QTMAN: variants seen among roughly 807,000 people sequenced by gnomAD.
QTMAN encodes the protein tRNA-queuosine alpha-mannosyltransferase.
At chr2:144,107,536 C>T in the QTMAN span, among the ~76,000 whole-genome samples, 5 of 151,976 alleles carry the variant, frequency 3.3e-5, no homozygotes, top group Admixed American at 1.3e-4. Flanking sequence ...ACACATACAC[C>T]CCCTCAAGAC....
At chr2:144,306,052 T>C in the QTMAN span, among the ~76,000 whole-genome samples, 2 of 152,322 alleles carry the variant, frequency 1.3e-5, no homozygotes, top group East Asian at 3.9e-4. Context: ...TCTCGACAAA[T>C]TGTCTTGGCT....
chr2:143,981,168 T>C, the QTMAN span, among the ~76,000 whole-genome samples: 1 of 152,218 alleles, frequency 6.6e-6, no homozygotes, highest in African/African-American at 2.4e-5. Flanking sequence ...TGCTGTCTCT[T>C]TATAATTCGT....
At chr2:144,318,071 C>T in the QTMAN span, among the ~76,000 whole-genome samples, 2 of 152,098 alleles carry the variant, frequency 1.3e-5, no homozygotes, top group Admixed American at 1.3e-4. Flanking sequence ...TTATTGAAGG[C>T]CTCCAGAAAG....
the QTMAN span, among the ~76,000 whole-genome samples, chr2:144,154,725 C>T: frequency 2.6e-5 from 4 of 152,160 alleles, no homozygotes; most frequent in South Asian, 2.1e-4. Flanking sequence ...TATATTATCC[C>T]GTTTCTTCAC....
the QTMAN span, among the ~76,000 whole-genome samples, chr2:144,043,632 C>CAAA: frequency 7.5e-6 from 1 of 132,766 alleles, no homozygotes; most frequent in African/African-American, 2.7e-5. Context: ...GACTCCGTCG[C>CAAA]AAAAAAAAAA....
the QTMAN span, among the ~76,000 whole-genome samples, chr2:143,985,190 G>A: frequency 6.6e-5 from 10 of 152,190 alleles, no homozygotes; most frequent in African/African-American, 2.2e-4. Flanking sequence ...AGAAGCAACC[G>A]GCTGGTTCCA....
the QTMAN span, among the ~76,000 whole-genome samples, chr2:144,055,869 G>A: frequency 5.3e-5 from 8 of 152,110 alleles, 1 homozygote; most frequent in South Asian, 2.1e-4. Context: ...TTCATCAAGC[G>A]GCAAAGTGGA....
chr2:144,225,277 C>T, the QTMAN span, among the ~76,000 whole-genome samples: 1 of 152,144 alleles, frequency 6.6e-6, no homozygotes, highest in Non-Finnish European at 1.5e-5. Context: ...GGTATCAGAC[C>T]TTCTTTCCAA....
chr2:144,306,900 G>C, the QTMAN span, among the ~76,000 whole-genome samples: 29 of 152,114 alleles, frequency 1.9e-4, no homozygotes, highest in Non-Finnish European at 3.7e-4. Context: ...GGTGGCTCAG[G>C]CCTGTAATCC....
chr2:144,051,931 T>C, the QTMAN span, among the ~76,000 whole-genome samples: 34 of 152,254 alleles, frequency 2.2e-4, no homozygotes, highest in Admixed American at 1.9e-3. Flanking sequence ...TTACTCTCTC[T>C]TACATTGCTT....
chr2:144,248,777 T>G, the QTMAN span, among the ~76,000 whole-genome samples: 2 of 152,098 alleles, frequency 1.3e-5, no homozygotes, highest in African/African-American at 4.8e-5. Flanking sequence ...ATTGACTGAT[T>G]AGTTTTGAGA....
chr2:144,141,772 C>T, the QTMAN span: 2 of 746,906 alleles, frequency 2.7e-6, no homozygotes, highest in Non-Finnish European at 4.4e-6. Flanking sequence ...AATTCTCTAA[C>T]TAACCATACT....
the QTMAN span, among the ~76,000 whole-genome samples, chr2:143,987,624 T>C: frequency 6.6e-6 from 1 of 152,210 alleles, no homozygotes; most frequent in Admixed American, 6.5e-5. Flanking sequence ...ATTTGAAGTA[T>C]TAATTTGTTT....
the QTMAN span, among the ~76,000 whole-genome samples, chr2:144,151,123 C>CA: frequency 6.6e-6 from 1 of 152,138 alleles, no homozygotes; most frequent in Non-Finnish European, 1.5e-5. Flanking sequence ...AGGGAAGTGA[C>CA]AAAATCTTAT....
At chr2:144,238,959 T>G in the QTMAN span, among the ~76,000 whole-genome samples, 2 of 152,060 alleles carry the variant, frequency 1.3e-5, no homozygotes, top group Non-Finnish European at 2.9e-5. Flanking sequence ...AACAAGATTA[T>G]AAACCTCCAG....
chr2:144,047,395 A>T, the QTMAN span, among the ~76,000 whole-genome samples: 5 of 152,202 alleles, frequency 3.3e-5, no homozygotes, highest in Admixed American at 6.5e-5. Context: ...AAAACACAAC[A>T]TGAAAGTAAT....
chr2:143,947,148 G>C, the QTMAN span: 1 of 1,592,260 alleles, frequency 6.3e-7, no homozygotes, highest in Non-Finnish European at 8.6e-7. Context: ...GCAACGAGGA[G>C]GAGGGAGAGA....
At chr2:144,275,149 C>T in the QTMAN span, among the ~76,000 whole-genome samples, 4 of 152,126 alleles carry the variant, frequency 2.6e-5, no homozygotes, top group African/African-American at 9.7e-5. Flanking sequence ...CTTTGGGAGG[C>T]CGAGGCAGGC....
the QTMAN span, chr2:144,332,291 C>G: frequency 6.6e-6 from 1 of 150,532 alleles, no homozygotes; most frequent in Non-Finnish European, 1.5e-5. Flanking sequence ...CCGCCCCCGG[C>G]TCCCCGCGCC....
Sources: gnomAD v4.1 joint callset for allele counts (sites outside exome capture counted in the v4.1 genomes callset) on GRCh38, gnomAD v4.1.1 for gene constraint, MANE v1.5 for transcripts, NCBI Gene and HGNC (gene_info 2026-07-23, HGNC 2026-07-21) for gene names.